OSMR: variants seen among roughly 807,000 people sequenced by gnomAD.
OSMR encodes oncostatin-M-specific receptor subunit beta.
In OSMR, 81 loss-of-function variants were observed where a neutral mutation model predicts 99.9. The ratio of observed to expected loss-of-function variants is 0.81; its 90% CI spans 0.68 to 0.97. The LOEUF (loss-of-function observed/expected upper bound fraction) is 0.97. OSMR is among the 50% of genes least tolerant of loss of function. OSMR has a pLI of 0.00. For missense variants in OSMR, 1,099 were observed against 1,153.4 expected, an observed-to-expected ratio of 0.95 and a Z score of 0.68; for synonymous variants, 406 against 410.4, an observed-to-expected ratio of 0.99 and a Z score of 0.13.
At chr5:38,942,425 G>T (rs2112779120) in intron 1 of OSMR, 4 of 1,057,482 alleles carry the variant, frequency 3.8e-6, no homozygotes, top group Non-Finnish European at 4.2e-6. Flanking sequence ...AAAAACAGAT[G>T]ATATAACATA....
intron 1 of OSMR, chr5:38,942,207 T>C (rs1747644455): frequency 2.9e-6 from 2 of 678,178 alleles, no homozygotes; most frequent in Admixed American, 3.9e-5. Flanking sequence ...GATACTCCTG[T>C]CTTTGCTGCC....
intron 3 of OSMR, 107 bp downstream of exon 3, chr5:38,876,480 A>G: frequency 1.2e-6 from 1 of 820,052 alleles, no homozygotes. Flanking sequence ...ATATATTAGC[A>G]GCTCAAAACA....
intron 5 of OSMR, 149 bp downstream of exon 5, chr5:38,884,260 T>A (rs1743532987): frequency 1.3e-6 from 1 of 743,420 alleles, no homozygotes. Flanking sequence ...CTGAAGTCGA[T>A]GTCCTTTAGT....
rs530477742 is a variant in OSMR, at chr5:38,862,129, G to A, written c.-13-6903G>A. 9.1e-3 allele frequency among the ~76,000 whole-genome samples: 1,136 copies of A among 124,620 alleles called. 77 individuals are homozygous for A. The highest frequency in any genetic ancestry group is 0.035 in the African/African-American group (1,046 of 29,978). The allele number at this position is 124,620 out of a possible 152,430, so 81.8% of individuals were successfully genotyped here. ...CCCCCACCTCCCTCCCGGACGGGGC[G>A]GCTGGCCGGGCAGAGGGGCTCCTCA... On this transcript the variant is annotated intron_variant, in intron 1 of 17. Coordinates refer to ENST00000274276, the MANE Select transcript of OSMR (RefSeq NM_003999.3).
chr5:38,868,374 TTGGCTG>T (rs1413499175), intron 1 of OSMR, among the ~76,000 whole-genome samples: 7 of 152,192 alleles, frequency 4.6e-5, no homozygotes, highest in Non-Finnish European at 1.5e-5. Context: ...GTGATACGGC[TTGGCTG>T]TGGGCCCACC....
intron 15 of OSMR, among the ~76,000 whole-genome samples, chr5:38,928,875 C>T (rs1457166641): frequency 6.6e-6 from 1 of 151,994 alleles, no homozygotes; most frequent in Admixed American, 6.5e-5. Flanking sequence ...TAGTTTTATT[C>T]GACCTTTGGA....
intron 1 of OSMR, among the ~76,000 whole-genome samples, chr5:38,848,736 A>G (rs529106756): frequency 6.6e-6 from 1 of 152,114 alleles, no homozygotes; most frequent in Non-Finnish European, 1.5e-5. Context: ...AGATCTTTCC[A>G]TTGTCTCTAG....
At position 38,885,363 on chromosome 5, in the gene OSMR, C is replaced by T. The variant is rs1419834359; in HGVS notation, c.718C>T (p.Pro240Ser). The T allele has an allele frequency of 6.2e-7, 1 of 1,613,816 alleles. No individual in the cohort carries two copies. The highest frequency in any genetic ancestry group is 1.1e-5 in the South Asian group (1 of 91,064). The part of the protein sequence containing the change: ...VLFVSKVLEE[P>S]KDFSCETEDF... ...TGTATGGACAGAAGTACTTGAGGAGCCCAAGGACTTTTCTTGTGAAACCGA... is the reference window on the plus strand; with the variant it reads ...TGTATGGACAGAAGTACTTGAGGAGTCCAAGGACTTTTCTTGTGAAACCGA... Residue 240 changes from proline to serine, a missense_variant, in exon 6 of 18, where the codon CCC (proline) becomes TCC (serine). Transcript: ENST00000274276.
At chr5:38,861,803 A>C (rs1579638083) in intron 1 of OSMR, among the ~76,000 whole-genome samples, 3 of 126,740 alleles carry the variant, frequency 2.4e-5, no homozygotes, top group South Asian at 2.6e-4. Context: ...GGGGCTCCTC[A>C]CCTCCCAGTA....
rs1746379800 is a variant in OSMR, at chr5:38,924,480, G to C, written c.1929G>C (p.Leu643=). Residue 643 remains leucine (L), a synonymous_variant, in exon 14 of 18, where the codon CTG becomes CTC. Transcript: ENST00000274276. ...VDTLTSHSFT[L]SWKDYSTESQ... is the part of the protein sequence containing the mutation. ...CATTGACATCCCACTCCTTCACTCT[G>C]AGTTGGAAAGATTACTCTACTGAAT... 1 of 1,614,032 alleles carries C rather than the reference G, an allele frequency of 6.2e-7. No homozygotes were observed. Among genetic ancestry groups the C allele is most frequent in the East Asian group, 2.2e-5 (1 of 44,886 alleles).
chr5:38,911,952 C>T (rs950148484), intron 9 of OSMR, among the ~76,000 whole-genome samples: 7 of 152,198 alleles, frequency 4.6e-5, no homozygotes, highest in African/African-American at 1.7e-4. Context: ...CCACAGCCAA[C>T]ATCATACTAA....
rs566457245 is a variant in OSMR, at chr5:38,890,760, A to C, written c.991+4570A>C. ...GAAGAAAAGAAAAAAGAGATAAAGA[A>C]GTTGGGAGCCTCTATATACCAGCAT... On this transcript the variant is annotated intron_variant, in intron 7 of 17. Transcript: ENST00000274276. 3.8e-3 allele frequency among the ~76,000 whole-genome samples: 574 copies of C among 152,332 alleles called. 1 individual carries two copies. Among genetic ancestry groups the C allele is most frequent in the Non-Finnish European group, 7.0e-3 (477 of 68,044 alleles).
intron 1 of OSMR, among the ~76,000 whole-genome samples, chr5:38,852,618 T>A (rs556269898): frequency 1.3e-5 from 2 of 152,248 alleles, no homozygotes; most frequent in African/African-American, 4.8e-5. Flanking sequence ...TATGTATTCA[T>A]GTTTTTCTAC....
intron 2 of OSMR, among the ~76,000 whole-genome samples, chr5:38,873,312 C>A (rs971307579): frequency 2.6e-5 from 4 of 152,144 alleles, no homozygotes; most frequent in African/African-American, 9.7e-5. Flanking sequence ...GTGTGTATAC[C>A]ACAGTTTGTT....
rs374466093 is a variant in OSMR, at chr5:38,931,877, G to A, written c.2213-6G>A. On this transcript the variant is annotated splice_region_variant and splice_polypyrimidine_tract_variant and intron_variant, in intron 15 of 17. Coordinates refer to ENST00000274276, the MANE Select transcript of OSMR (RefSeq NM_003999.3). ...TAAAAATGTCCCTTTCTTTTTCCTC[G>A]TTCAGCCTCGATGCTGATTCATATC... is the stretch of plus-strand genomic sequence containing the variant. 2.5e-5 allele frequency: 40 copies of A among 1,611,828 alleles called. No homozygotes were observed. The highest frequency in any genetic ancestry group is 2.1e-4 in the African/African-American group (16 of 74,774).
intron 2 of OSMR, among the ~76,000 whole-genome samples, chr5:38,873,768 A>G (rs1347812768): frequency 6.6e-6 from 1 of 152,136 alleles, no homozygotes; most frequent in Non-Finnish European, 1.5e-5. Context: ...TGTGCTTGTT[A>G]GCCATTTATA....
intron 1 of OSMR, among the ~76,000 whole-genome samples, chr5:38,862,364 C>A (rs1429450583): frequency 9.4e-6 from 1 of 106,754 alleles, no homozygotes; most frequent in Non-Finnish European, 1.9e-5. Context: ...CCAGTAGGGG[C>A]GGCCGGGCAG....
chr5:38,923,019 G>T, intron 12 of OSMR, 131 bp from the exon 13 acceptor site: 6 of 1,012,390 alleles, frequency 5.9e-6, no homozygotes, highest in South Asian at 2.9e-5. Context: ...CAAGTGATCC[G>T]CCTGCCTCGG....
At chr5:38,939,736 A>T (rs1747332798), downstream of OSMR, 2 of 228,774 alleles carry the variant, frequency 8.7e-6, no homozygotes, top group Admixed American at 1.1e-4. Flanking sequence ...ATTAATCCTA[A>T]AATCTTTAAA....
Sources: allele counts gnomAD v4.1 joint callset (sites outside exome capture counted in the v4.1 genomes callset), GRCh38; gene constraint gnomAD v4.1.1; transcripts MANE v1.5; gene names NCBI Gene and HGNC (gene_info 2026-07-23, HGNC 2026-07-21).